The following RIMS2 variants were observed in gnomAD, a reference collection of about 807,000 sequenced individuals.
RIMS2 encodes the protein regulating synaptic membrane exocytosis 2.
Under a neutral mutation model 174.4 loss-of-function variants are expected in RIMS2, and 59 were observed. The ratio of observed to expected loss-of-function variants is 0.34; its 90% confidence interval spans 0.27 to 0.42. The LOEUF (loss-of-function observed/expected upper bound fraction) is 0.42, where lower values mean the gene tolerates loss of function less well. Among genes scored for constraint, RIMS2 ranks in the 10% least tolerant of loss-of-function variants. RIMS2 has a pLI of 1.00. For missense variants in RIMS2, 1,620 were observed against 1,666.3 expected (o/e 0.97, Z 0.48); for synonymous variants, 606 against 572.5 (o/e 1.06, Z -0.84).
intron 1 of RIMS2, among the ~76,000 whole-genome samples, chr8:103,528,946 G>C (rs1423693396): frequency 6.6e-6 from 1 of 152,202 alleles, no homozygotes; most frequent in East Asian, 1.9e-4. Flanking sequence ...TTGGTAGCTT[G>C]ATGGGGATGG....
intron 19 of RIMS2, among the ~76,000 whole-genome samples, chr8:104,101,029 GTTATATATTATA>G (rs1485661900): frequency 2.3e-5 from 3 of 133,324 alleles, no homozygotes; most frequent in African/African-American, 5.6e-5. Context: ...TGTAATATAT[GTTATATATTATA>G]TTATATATTA....
At chr8:104,092,741 T>C (rs1433094742) in intron 19 of RIMS2, among the ~76,000 whole-genome samples, 3 of 151,942 alleles carry the variant, frequency 2.0e-5, no homozygotes, top group Admixed American at 2.0e-4. Context: ...TAGCAAATGA[T>C]TTTTTGTTGT....
chr8:103,573,698 C>G (rs1388882013), intron 1 of RIMS2, among the ~76,000 whole-genome samples: 2 of 151,946 alleles, frequency 1.3e-5, no homozygotes. Flanking sequence ...TATTTAGGCT[C>G]TTTTTTGGAT....
Position 103,670,938 on chromosome 8 carries a change from C to A in RIMS2, c.177-26148C>A, listed in dbSNP as rs377214512. Among the ~76,000 whole-genome samples the A allele has an allele frequency of 3.3e-5, 5 of 152,094 alleles. No homozygotes were observed. In the East Asian group the frequency reaches 5.8e-4, roughly 18 times the overall value. On this transcript the variant is annotated intron_variant, in intron 1 of 23. Transcript: ENST00000504942. ...ACAGTAGCACCCCACTCTAATGGTA[C>A]CTGCTTACTGTATTAGTCCATTTTC...
At chr8:103,761,451 C>T (rs956267392) in intron 2 of RIMS2, among the ~76,000 whole-genome samples, 2 of 152,236 alleles carry the variant, frequency 1.3e-5, no homozygotes, top group African/African-American at 4.8e-5. Context: ...AGCTGATCAG[C>T]TGAGTGCTCT....
intron 19 of RIMS2, among the ~76,000 whole-genome samples, chr8:104,099,545 C>G (rs191348082): frequency 6.6e-6 from 1 of 152,304 alleles, no homozygotes; most frequent in African/African-American, 2.4e-5. Context: ...TAAAACACCA[C>G]AGGTGATTAT....
At chr8:104,066,342 G>A (rs1359179959) in intron 19 of RIMS2, among the ~76,000 whole-genome samples, 1 of 152,068 alleles carries the variant, frequency 6.6e-6, no homozygotes, top group African/African-American at 2.4e-5. Context: ...ATTGCAAAAT[G>A]TATATACCTG....
intron 17 of RIMS2, among the ~76,000 whole-genome samples, chr8:104,001,933 A>G (rs1227390722): frequency 6.6e-6 from 1 of 152,042 alleles, no homozygotes; most frequent in Non-Finnish European, 1.5e-5. Context: ...TGATTTTAGA[A>G]CCTGGCTGTA....
At chr8:103,565,455 C>T (rs2092233928) in intron 1 of RIMS2, among the ~76,000 whole-genome samples, 1 of 152,090 alleles carries the variant, frequency 6.6e-6, no homozygotes, top group South Asian at 2.1e-4. Context: ...CAGGCATGCA[C>T]CACCACACCT....
At chr8:103,801,807 G>T (rs1433842606) in intron 3 of RIMS2, among the ~76,000 whole-genome samples, 1 of 152,122 alleles carries the variant, frequency 6.6e-6, no homozygotes, top group Non-Finnish European at 1.5e-5. Context: ...TCACTAGATT[G>T]TCCACTTTTG....
chr8:103,872,522 A>G (rs1203580986), intron 3 of RIMS2, among the ~76,000 whole-genome samples: 1 of 152,198 alleles, frequency 6.6e-6, no homozygotes, highest in Non-Finnish European at 1.5e-5. Context: ...ATGTAAAAAG[A>G]AGTCTGGAGG....
At chr8:103,819,547 T>G in intron 3 of RIMS2, 1 of 1,613,610 alleles carries the variant, frequency 6.2e-7, no homozygotes, top group Non-Finnish European at 8.5e-7. Context: ...CAATTCTGTT[T>G]TATCTCATTT....
At chr8:104,120,250 G>A (rs916636473) in intron 19 of RIMS2, among the ~76,000 whole-genome samples, 14 of 151,978 alleles carry the variant, frequency 9.2e-5, no homozygotes, top group African/African-American at 3.1e-4. Flanking sequence ...AAAATCCAAA[G>A]CATATGAGCT....
intron 2 of RIMS2, among the ~76,000 whole-genome samples, chr8:103,740,034 A>G (rs890301953): frequency 1.3e-5 from 2 of 152,168 alleles, no homozygotes; most frequent in Admixed American, 6.6e-5. Context: ...CCCAGAGAGA[A>G]TATCCACCCT....
intron 3 of RIMS2, among the ~76,000 whole-genome samples, chr8:103,884,439 T>C (rs943444410): frequency 3.3e-5 from 5 of 151,872 alleles, no homozygotes; most frequent in Non-Finnish European, 5.9e-5. Context: ...GAGAAAAGGT[T>C]AGTGTGAATA....
At chr8:103,803,455 C>T (rs1027625359) in intron 3 of RIMS2, among the ~76,000 whole-genome samples, 1 of 151,872 alleles carries the variant, frequency 6.6e-6, no homozygotes, top group African/African-American at 2.4e-5. Flanking sequence ...TTACTATTTA[C>T]CATATTAGAA....
chr8:103,775,118 T>A (rs2098298566), intron 3 of RIMS2, among the ~76,000 whole-genome samples: 2 of 152,066 alleles, frequency 1.3e-5, no homozygotes, highest in South Asian at 4.1e-4. Context: ...TAACACCAAA[T>A]CAATGGTATT....
chr8:104,223,420 A>G (rs2099165735), intron 19 of RIMS2: 2 of 1,271,740 alleles, frequency 1.6e-6, no homozygotes, highest in African/African-American at 3.2e-5. Context: ...TCCGCCCGCC[A>G]CCGCCTCCAT....
At chr8:103,954,503 C>A (rs1049674679) in intron 14 of RIMS2, among the ~76,000 whole-genome samples, 5 of 152,202 alleles carry the variant, frequency 3.3e-5, no homozygotes, top group African/African-American at 4.8e-5. Context: ...TGAATGACTA[C>A]TGGGTAAATA....
Sources: gnomAD v4.1 joint callset for allele counts (sites outside exome capture counted in the v4.1 genomes callset) on GRCh38, gnomAD v4.1.1 for gene constraint, MANE v1.5 for transcripts, NCBI Gene and HGNC (gene_info 2026-07-23, HGNC 2026-07-21) for gene names.